The following RUFY4 variants were observed in gnomAD, a reference collection of about 807,000 sequenced individuals.
RUFY4 encodes RUN and FYVE domain-containing protein 4.
In RUFY4, 73 loss-of-function variants were observed where a neutral mutation model predicts 69.0. The observed-to-expected ratio is 1.06, with a 90% CI of 0.88 to 1.29. RUFY4 has a LOEUF of 1.29. RUFY4 is among the 50% of genes most tolerant of loss of function. The probability of loss-of-function intolerance (pLI) is 0.00; values close to 1 mark genes in which losing one functional copy is unlikely to be tolerated. For synonymous variants in RUFY4, 287 were observed against 271.8 expected (o/e 1.06, Z -0.55); for missense variants, 770 against 705.6 (o/e 1.09, Z -1.03).
intron 3 of RUFY4, among the ~76,000 whole-genome samples, chr2:218,062,393 G>A (rs13412734): frequency 0.053 from 7,229 of 137,274 alleles, 259 homozygotes; most frequent in African/African-American, 0.11. Flanking sequence ...GAGACAGAGC[G>A]AGACTCCGTC....
intron 9 of RUFY4, among the ~76,000 whole-genome samples, chr2:218,085,979 G>C (rs1689885809): frequency 6.6e-6 from 1 of 152,188 alleles, no homozygotes; most frequent in South Asian, 2.1e-4. Context: ...AATATAAAGG[G>C]AAGAGATGAA....
At chr2:218,074,045 A>T in intron 6 of RUFY4, 160 bp downstream of exon 8, 1 of 731,924 alleles carries the variant, frequency 1.4e-6, no homozygotes. Flanking sequence ...GGGACTGGGG[A>T]GCTGCAGAGG....
At chr2:218,036,108 C>G (rs115422833) in intron 2 of RUFY4, among the ~76,000 whole-genome samples, 1,863 of 152,312 alleles carry the variant, frequency 0.012, 39 homozygotes, top group African/African-American at 0.042. Context: ...TCTCTGTGCC[C>G]CAGGTTCCCC....
chr2:218,045,997 A>T (rs1355336865), intron 2 of RUFY4, among the ~76,000 whole-genome samples: 2 of 151,994 alleles, frequency 1.3e-5, no homozygotes, highest in Non-Finnish European at 2.9e-5. Flanking sequence ...TAGTAGAGAC[A>T]GGGTTTCATC....
chr2:218,090,201 G>A (rs1205794271), exon 11 of RUFY4: 4 of 438,804 alleles, frequency 9.1e-6, no homozygotes, highest in Non-Finnish European at 1.8e-5. Context: ...CACTTCTGTG[G>A]GCAGAGTAGG....
intron 2 of RUFY4, among the ~76,000 whole-genome samples, chr2:218,051,608 G>A (rs1688946120): frequency 6.7e-6 from 1 of 149,364 alleles, no homozygotes; most frequent in Non-Finnish European, 1.5e-5. Flanking sequence ...GTGTAGGGCA[G>A]TAATGAGACT....
intron 3 of RUFY4, chr2:218,060,164 G>A (rs1224702426): frequency 5.7e-6 from 3 of 527,478 alleles, no homozygotes; most frequent in South Asian, 4.3e-5. Context: ...TACCAGGGCA[G>A]GCTTTCTAAA....
intron 9 of RUFY4, among the ~76,000 whole-genome samples, chr2:218,086,394 A>G (rs1489005411): frequency 6.6e-6 from 1 of 152,244 alleles, no homozygotes; most frequent in East Asian, 1.9e-4. Context: ...CCACAGTTAG[A>G]TACATCATTA....
chr2:218,044,403 G>A (rs1559420505), intron 2 of RUFY4, among the ~76,000 whole-genome samples: 1 of 152,184 alleles, frequency 6.6e-6, no homozygotes, highest in African/African-American at 2.4e-5. Context: ...ATCTTAGTTA[G>A]CTGTAATGAG....
At chr2:218,038,692 T>C (rs1403810210) in intron 2 of RUFY4, among the ~76,000 whole-genome samples, 1 of 152,076 alleles carries the variant, frequency 6.6e-6, no homozygotes. Flanking sequence ...GGGTTTTTGG[T>C]GGTATTATTT....
chr2:218,081,081 T>C (rs1689750541), intron 8 of RUFY4, among the ~76,000 whole-genome samples: 4 of 152,222 alleles, frequency 2.6e-5, no homozygotes, highest in Admixed American at 6.5e-5. Context: ...ATTCCTTCCA[T>C]GCTTCCATGT....
At chr2:218,040,456 G>A (rs2106025661) in intron 2 of RUFY4, among the ~76,000 whole-genome samples, 1 of 152,240 alleles carries the variant, frequency 6.6e-6, no homozygotes, top group South Asian at 2.1e-4. Flanking sequence ...TGCTTGCTAG[G>A]ATTTTCTTTG....
intron 9 of RUFY4, among the ~76,000 whole-genome samples, chr2:218,088,375 C>T (rs867419008): frequency 6.6e-6 from 1 of 151,162 alleles, no homozygotes; most frequent in Non-Finnish European, 1.5e-5. Context: ...TGAGGATCAC[C>T]TGAGCCCAGG....
At chr2:218,073,745 T>C in intron 5 of RUFY4, 71 bp from the exon 8 acceptor site, 1 of 1,518,330 alleles carries the variant, frequency 6.6e-7, no homozygotes, top group Non-Finnish European at 9.1e-7. Flanking sequence ...AAAGATGGGA[T>C]ACCCTCCATC....
At position 218,076,630 on chromosome 2, in the gene RUFY4, C is replaced by T. The variant is rs1354952644; in HGVS notation, c.1355+97C>T. 5 of 1,504,008 alleles carry T rather than the reference C, an allele frequency of 3.3e-6. No individual in the cohort carries two copies. The Admixed American group carries it at 9.5e-5, about 28-fold the overall frequency. 93.2% of individuals were successfully genotyped at this position (1,504,008 alleles called of 1,614,324 possible). ...CCAGTGAGGTCTTGTGAGAACCTCC[C>T]ATGCACCAGGCCCTGGACTGGGCAC... is the stretch of plus-strand genomic sequence containing the variant. On this transcript the variant is annotated intron_variant, in intron 8 of 10. Transcript: ENST00000344321.
At chr2:218,069,930 C>A (rs374083702), upstream of RUFY4, among the ~76,000 whole-genome samples, 275 of 152,278 alleles carry the variant, frequency 1.8e-3, 1 homozygote, top group African/African-American at 6.3e-3. Context: ...GTATTACAAC[C>A]AGGCGCCCTG....
At chr2:218,088,267 G>T (rs1689939423) in intron 9 of RUFY4, among the ~76,000 whole-genome samples, 1 of 151,930 alleles carries the variant, frequency 6.6e-6, no homozygotes, top group Non-Finnish European at 1.5e-5. Flanking sequence ...GTTGAGGCAG[G>T]GTTCAAGACC....
exon 1 of RUFY4, chr2:218,070,585 T>A: frequency 6.5e-7 from 1 of 1,536,596 alleles, no homozygotes; most frequent in South Asian, 1.2e-5. Flanking sequence ...TTGCAAGGAA[T>A]CACATCATTT....
At chr2:218,081,199 C>G (rs4672871) in intron 8 of RUFY4, among the ~76,000 whole-genome samples, 14,759 of 152,184 alleles carry the variant, frequency 0.097, 732 homozygotes, top group South Asian at 0.16. Flanking sequence ...ACAGACAGCT[C>G]AGGTCCTGCC....
Sources: gnomAD v4.1 joint callset for allele counts (sites outside exome capture counted in the v4.1 genomes callset) on GRCh38, gnomAD v4.1.1 for gene constraint, MANE v1.5 for transcripts, NCBI Gene and HGNC (gene_info 2026-07-23, HGNC 2026-07-21) for gene names.